Variants in KATNB1 observed in about 807,000 individuals in gnomAD.
KATNB1 encodes katanin p80 WD40 repeat-containing subunit B1.
Under a neutral mutation model 82.3 loss-of-function variants are expected in KATNB1, and 38 were observed. That is an observed-to-expected ratio of 0.46 (90% CI 0.36 to 0.61). The LOEUF (loss-of-function observed/expected upper bound fraction) is 0.61. KATNB1 is among the 20% of genes least tolerant of loss of function. The pLI is 0.00. For missense variants in KATNB1, 749 were observed against 915.7 expected (o/e 0.82, Z 2.35); for synonymous variants, 361 against 368.7 (o/e 0.98, Z 0.24).
At chr16:57,755,301 G>T (rs782154820) in intron 15 of KATNB1, 44 bp from the exon 16 acceptor site, 2 of 1,611,024 alleles carry the variant, frequency 1.2e-6, no homozygotes, top group South Asian at 1.1e-5. Context: ...GAGCTTTGCT[G>T]CTGGCTCCTC....
chr16:57,752,845 G>C lies in KATNB1; in HGVS notation c.772G>C (p.Gly258Arg). 1 of 1,610,702 alleles carries C rather than the reference G, an allele frequency of 6.2e-7. No homozygotes were observed. The highest frequency in any genetic ancestry group is 8.5e-7 in the Non-Finnish European group (1 of 1,179,848). The change falls in exon 10 of 20, where the codon GGC becomes CGC. Residue 258 changes from glycine to arginine, a missense_variant. Gly to Arg is a moderately radical substitution (Grantham distance 125, BLOSUM62 -2). Around this residue, in one of 3 missense-constraint regions of KATNB1, gnomAD observed 407 missense variants for 434.7 expected, o/e 0.94. Transcript: ENST00000379661. ...SGCQDSLRVY[G>R]WEPERCFDVV... is the part of the protein sequence containing the mutation. The stretch of plus-strand genomic sequence containing the variant: ...CTGCCAGGACTCACTGCGTGTCTAC[G>C]GCTGGGAACCTGAGCGGTGCTTTGA...
At chr16:57,746,647 G>T (rs1267159195) in intron 4 of KATNB1, among the ~76,000 whole-genome samples, 2 of 151,290 alleles carry the variant, frequency 1.3e-5, no homozygotes, top group African/African-American at 4.9e-5. Flanking sequence ...TGCCTTAGCA[G>T]GTGGTGCCAG....
chr16:57,736,749 T>C, intron 1 of KATNB1: 1 of 328,756 alleles, frequency 3.0e-6, no homozygotes, highest in Non-Finnish European at 6.1e-6. Flanking sequence ...GGAACAGAGC[T>C]GCAGCTCATT....
chr16:57,741,921 C>G (rs1278318100), intron 3 of KATNB1, 104 bp downstream of exon 3: 21 of 1,327,396 alleles, frequency 1.6e-5, no homozygotes, highest in Non-Finnish European at 2.0e-5. Flanking sequence ...CTCTCTTGAG[C>G]CCAGGGCCCC....
intron 4 of KATNB1, among the ~76,000 whole-genome samples, chr16:57,747,064 T>C (rs1555581615): frequency 6.6e-6 from 1 of 152,150 alleles, no homozygotes; most frequent in African/African-American, 2.4e-5. Flanking sequence ...GTATTTTTAG[T>C]AGAGACGGGG....
At chr16:57,756,546 C>A in intron 19 of KATNB1, 74 bp downstream of exon 19, 1 of 1,362,844 alleles carries the variant, frequency 7.3e-7, no homozygotes, top group Non-Finnish European at 1.0e-6. Flanking sequence ...GGCCTGGGCC[C>A]CTCTTACTGA....
chr16:57,737,340 T>A (rs2049108730), intron 2 of KATNB1, 57 bp downstream of exon 2: 1 of 1,596,970 alleles, frequency 6.3e-7, no homozygotes, highest in Admixed American at 1.7e-5. Flanking sequence ...GGCTTGTTGC[T>A]GGGAGGCCTG....
intron 16 of KATNB1, 145 bp downstream of exon 16, chr16:57,755,639 G>C (rs1343245415): frequency 8.8e-7 from 1 of 1,135,550 alleles, no homozygotes; most frequent in Admixed American, 2.6e-5. Context: ...ATCTGTTTCC[G>C]CCATCATCAT....
chr16:57,741,860 G>A (rs2049145891), intron 3 of KATNB1, 43 bp downstream of exon 3: 2 of 1,586,492 alleles, frequency 1.3e-6, no homozygotes, highest in African/African-American at 2.7e-5. Flanking sequence ...AAGGGCCTGG[G>A]GAGGGGACGG....
At chr16:57,742,721 A>G (rs781847932) in intron 3 of KATNB1, among the ~76,000 whole-genome samples, 8 of 152,232 alleles carry the variant, frequency 5.3e-5, no homozygotes, top group Non-Finnish European at 1.2e-4. Flanking sequence ...CCCTGTTATC[A>G]GCAGAGAGGT....
chr16:57,746,626 A>G, intron 4 of KATNB1, among the ~76,000 whole-genome samples: 1 of 148,686 alleles, frequency 6.7e-6, no homozygotes, highest in East Asian at 2.0e-4. Context: ...CTGGAAATTC[A>G]TGTGCCTTGG....
intron 9 of KATNB1, 73 bp from the exon 10 acceptor site, chr16:57,752,705 G>T: frequency 6.4e-7 from 1 of 1,568,566 alleles, no homozygotes. Context: ...CCTGCCCTGG[G>T]CCCTCTGGAT....
At chr16:57,748,485 A>T (rs1158376494) in intron 4 of KATNB1, among the ~76,000 whole-genome samples, 1 of 145,708 alleles carries the variant, frequency 6.9e-6, no homozygotes, top group Non-Finnish European at 1.5e-5. Flanking sequence ...AAAAAAAAAA[A>T]GGAGAGAGAG....
At position 57,741,799 on chromosome 16, in the gene KATNB1, C is replaced by G. The variant is rs1285316973; in HGVS notation, c.153C>G (p.Asn51Lys). ...GCCGCGTCAACCTGTGGTCCATCAA[C>G]AAGCCCAACTGCATCATGGTGAGCC... ...DDCRVNLWSI[N>K]KPNCIMSLTG... The change falls in exon 3 of 20, where the codon AAC becomes AAG. Residue 51 changes from asparagine (N) to lysine (K), a missense_variant. Asn to Lys is a moderately conservative substitution (Grantham distance 94). Transcript: ENST00000379661. 4.3e-6 allele frequency: 7 copies of G among 1,613,466 alleles called. No homozygotes were observed. Among genetic ancestry groups the G allele is most frequent in the Non-Finnish European group, 5.9e-6 (7 of 1,179,912 alleles).
intron 10 of KATNB1, 62 bp from the exon 11 acceptor site, chr16:57,753,015 C>T: frequency 1.9e-6 from 3 of 1,588,710 alleles, no homozygotes; most frequent in Admixed American, 1.7e-5. Context: ...TACCCCCACA[C>T]TGGGGCTGGG....
intron 1 of KATNB1, 186 bp from the exon 2 acceptor site, chr16:57,736,792 T>A: frequency 2.9e-6 from 1 of 350,832 alleles, no homozygotes; most frequent in East Asian, 7.3e-5. Flanking sequence ...TCTTTTTCCT[T>A]ACGTTCCAAA....
intron 2 of KATNB1, among the ~76,000 whole-genome samples, chr16:57,738,149 C>A (rs531354667): frequency 2.0e-5 from 3 of 152,210 alleles, no homozygotes; most frequent in Non-Finnish European, 4.4e-5. Flanking sequence ...CTTGGTGGGC[C>A]CTGCCCCACC....
At chr16:57,738,382 A>T (rs1191391643) in intron 2 of KATNB1, among the ~76,000 whole-genome samples, 1 of 151,834 alleles carries the variant, frequency 6.6e-6, no homozygotes, top group Non-Finnish European at 1.5e-5. Flanking sequence ...CAGCCTCCCG[A>T]GTAGCTGGGA....
At chr16:57,754,144 C>G in intron 13 of KATNB1, 149 bp downstream of exon 13, 1 of 695,008 alleles carries the variant, frequency 1.4e-6, no homozygotes, top group Non-Finnish European at 2.5e-6. Context: ...TCTCTGCCCT[C>G]TGCCTGTTAT....
Sources: gnomAD v4.1 joint callset for allele counts (sites outside exome capture counted in the v4.1 genomes callset) on GRCh38, gnomAD v4.1.1 for gene constraint, gnomAD v4.1.1 regional missense constraint, MANE v1.5 for transcripts, NCBI Gene and HGNC (gene_info 2026-07-23, HGNC 2026-07-21) for gene names.